The following CDKL5 variants were observed in gnomAD, a reference collection of about 807,000 sequenced individuals.
CDKL5 encodes the protein cyclin dependent kinase like 5.
A neutral mutation model predicts 61.7 loss-of-function variants in CDKL5; 8 were observed. That is an observed-to-expected ratio of 0.13 (90% confidence interval 0.08 to 0.23). The LOEUF (loss-of-function observed/expected upper bound fraction) is 0.23, where lower values mean the gene tolerates loss of function less well. CDKL5 is among the 10% of genes least tolerant of loss of function. The pLI, the probability that CDKL5 is intolerant of heterozygous loss-of-function variation, is 1.00. For missense variants in CDKL5, 440 were observed against 734.5 expected (o/e 0.60, Z 4.63); for synonymous variants, 275 against 272.3 (o/e 1.01, Z -0.10).
At chrX:18,587,762 G>A in intron 8 of CDKL5, 192 bp from the exon 9 acceptor site, 1 of 443,389 alleles carries the variant, frequency 2.3e-6, no homozygotes, top group Non-Finnish European at 3.9e-6. Flanking sequence ...TTATTAAATT[G>A]ATGGCTTTAT....
chrX:18,613,244 C>T lies in CDKL5; in HGVS notation c.2245C>T (p.His749Tyr). 1 of 1,204,222 alleles carries T rather than the reference C, an allele frequency of 8.3e-7. No individual in the cohort carries two copies. The highest frequency in any genetic ancestry group is 1.1e-6 in the Non-Finnish European group (1 of 890,566). ...LPSESSSGTN[H>Y]SKRQPAFDPW... ...ATCAGAGAGCAGTTCTGGAACCAAC[C>T]ACTCAAAAAGACAACCAGCATTCGA... The change falls in exon 15 of 18, where the codon CAC becomes TAC. Residue 749 changes from histidine to tyrosine, a missense_variant. By Grantham distance (83) the His-to-Tyr change is moderately conservative. Around this residue, in one of 2 missense-constraint regions of CDKL5, gnomAD observed 363 missense variants for 516.3 expected, o/e 0.70. Coordinates refer to ENST00000623535, the MANE Select transcript of CDKL5 (RefSeq NM_001323289.2).
chrX:18,434,015 A>G (rs994937661), intron 1 of CDKL5, among the ~76,000 whole-genome samples: 4 of 111,864 alleles, frequency 3.6e-5, no homozygotes, highest in African/African-American at 1.3e-4. Context: ...GGATTTGCAA[A>G]CAGCTTAACA....
chrX:18,558,619 G>A (rs1041969385), intron 3 of CDKL5, among the ~76,000 whole-genome samples: 1 of 111,637 alleles, frequency 9.0e-6, no homozygotes, highest in African/African-American at 3.3e-5. Flanking sequence ...ACATAGTCTT[G>A]AACATCATGC....
Position 18,629,380 on chromosome X carries a change from G to A in CDKL5, c.*623G>A. ...TGTTTGAAACATTGTGAAGCAGTGG[G>A]ACAGCTACAGTAGTTTCTATAAAAA... On this transcript the variant is annotated 3_prime_UTR_variant, in exon 18 of 18. Transcript: ENST00000623535. 1.4e-6 allele frequency: 1 copy of A among 708,859 alleles called. No individual in the cohort carries two copies. Among genetic ancestry groups the A allele is most frequent in the South Asian group, 7.2e-5 (1 of 13,864 alleles). The allele number at this position is 708,859 out of a possible 1,213,427, so 58.4% of individuals were successfully genotyped here. A position where few individuals can be genotyped will look rare whatever the true frequency, so the allele number is the denominator to read the frequency against.
chrX:18,517,570 G>A (rs1968485085), intron 3 of CDKL5, among the ~76,000 whole-genome samples: 1 of 111,520 alleles, frequency 9.0e-6, no homozygotes, highest in Admixed American at 9.6e-5. Context: ...ATTTATACTA[G>A]CTCCTTAATG....
chrX:18,558,487 T>G (rs1276643298), intron 3 of CDKL5, among the ~76,000 whole-genome samples: 1 of 112,008 alleles, frequency 8.9e-6, no homozygotes, highest in Non-Finnish European at 1.9e-5. Context: ...TTCCTACCTC[T>G]CCATTAAATA....
downstream of CDKL5, chrX:18,642,060 G>T: frequency 8.3e-7 from 1 of 1,211,631 alleles, no homozygotes; most frequent in South Asian, 1.8e-5. Flanking sequence ...ATGCGGACGT[G>T]CCAGCCCAGC....
At chrX:18,551,867 A>G (rs965703000) in intron 3 of CDKL5, among the ~76,000 whole-genome samples, 1 of 109,145 alleles carries the variant, frequency 9.2e-6, no homozygotes, top group East Asian at 2.9e-4. Context: ...TGCTGAGATT[A>G]TAGGCGTGAG....
intron 1 of CDKL5, among the ~76,000 whole-genome samples, chrX:18,427,794 C>T (rs1462877467): frequency 1.8e-5 from 2 of 111,106 alleles, no homozygotes; most frequent in Non-Finnish European, 3.8e-5. Context: ...AAAATTTATT[C>T]ATGATTTAGG....
chrX:18,624,979 TTGGG>T, intron 16 of CDKL5, 145 bp from the exon 17 acceptor site: 1 of 535,478 alleles, frequency 1.9e-6, no homozygotes, highest in Non-Finnish European at 3.3e-6. Context: ...ATTGTGAACA[TTGGG>T]AGAGATTGGG....
At chrX:18,510,114 C>T (rs1922773168) in intron 2 of CDKL5, among the ~76,000 whole-genome samples, 1 of 110,165 alleles carries the variant, frequency 9.1e-6, no homozygotes, top group African/African-American at 3.3e-5. Context: ...TGTGCTTGAG[C>T]TTACTACTGG....
intron 3 of CDKL5, chrX:18,535,865 C>T (rs1278595257): frequency 8.9e-6 from 1 of 112,653 alleles, no homozygotes; most frequent in Non-Finnish European, 1.9e-5. Context: ...TCCACCATGT[C>T]CCCTCCTGGG....
At chrX:18,577,047 C>T (rs1234153071) in intron 5 of CDKL5, among the ~76,000 whole-genome samples, 2 of 110,747 alleles carry the variant, frequency 1.8e-5, no homozygotes, top group Admixed American at 9.7e-5. Context: ...CAGGTGCGCG[C>T]CACCATGCCT....
intron 17 of CDKL5, among the ~76,000 whole-genome samples, chrX:18,626,226 C>G: frequency 9.1e-6 from 1 of 110,405 alleles, no homozygotes; most frequent in Non-Finnish European, 1.9e-5. Context: ...CACCACCACA[C>G]CTGGCTAATT....
chrX:18,596,128 G>A (rs1044263025), intron 10 of CDKL5, among the ~76,000 whole-genome samples: 2 of 111,979 alleles, frequency 1.8e-5, no homozygotes, highest in Non-Finnish European at 3.8e-5. Flanking sequence ...GACCTTCAAA[G>A]AACACTTATT....
At chrX:18,525,112 A>G (rs754689066) in intron 3 of CDKL5, among the ~76,000 whole-genome samples, 1 of 110,804 alleles carries the variant, frequency 9.0e-6, no homozygotes, top group African/African-American at 3.3e-5. Context: ...CTAATTAATT[A>G]TTTTTGAGAT....
chrX:18,473,918 C>T (rs1251088516), intron 1 of CDKL5, among the ~76,000 whole-genome samples: 1 of 103,255 alleles, frequency 9.7e-6, no homozygotes, highest in African/African-American at 3.6e-5. Flanking sequence ...TTTTTTGAGA[C>T]GGAGTTTTGC....
chrX:18,558,922 G>C (rs1166796283), intron 3 of CDKL5, among the ~76,000 whole-genome samples: 1 of 112,523 alleles, frequency 8.9e-6, no homozygotes, highest in Non-Finnish European at 1.9e-5. Flanking sequence ...GCAAAGTGTG[G>C]TGAAGGTAAA....
chrX:18,469,077 G>C (rs780390637), intron 1 of CDKL5, among the ~76,000 whole-genome samples: 1 of 110,634 alleles, frequency 9.0e-6, no homozygotes, highest in East Asian at 2.8e-4. Flanking sequence ...GGTGGCTAAC[G>C]CCTATAATTG....
Sources: gnomAD v4.1 joint callset for allele counts (sites outside exome capture counted in the v4.1 genomes callset) on GRCh38, gnomAD v4.1.1 for gene constraint, gnomAD v4.1.1 regional missense constraint, MANE v1.5 for transcripts, NCBI Gene and HGNC (gene_info 2026-07-23, HGNC 2026-07-21) for gene names.